The following HTR1F variants were observed in gnomAD, a reference collection of about 807,000 sequenced individuals.
HTR1F encodes the protein 5-hydroxytryptamine (serotonin) receptor 1F, G protein-coupled.
HTR1F carries 17 observed loss-of-function variants against 24.0 expected under a neutral mutation model. That is an observed-to-expected ratio of 0.71 (90% CI 0.48 to 1.06). The LOEUF is 1.06. Among genes scored for constraint, HTR1F ranks in the 50% least tolerant of loss-of-function variants. The pLI, the probability that HTR1F is intolerant of heterozygous loss-of-function variation, is 0.00. For missense variants in HTR1F, 391 were observed against 427.8 expected, an observed-to-expected ratio of 0.91 and a Z score of 0.76; for synonymous variants, 186 against 156.8, an observed-to-expected ratio of 1.19 and a Z score of -1.39.
intron 2 of HTR1F, among the ~76,000 whole-genome samples, chr3:87,888,315 G>T (rs1248704236): frequency 6.6e-6 from 1 of 152,086 alleles, no homozygotes; most frequent in Non-Finnish European, 1.5e-5. Context: ...ACCGGGGCCT[G>T]TTGTAGGGTG....
At chr3:87,807,392 G>A (rs530690807) in intron 1 of HTR1F, among the ~76,000 whole-genome samples, 6 of 151,900 alleles carry the variant, frequency 3.9e-5, no homozygotes, top group African/African-American at 1.4e-4. Context: ...TATTGTAAAT[G>A]GGATTGCCTT....
chr3:87,903,485 A>C lies in HTR1F; in HGVS notation c.-43+81361A>C, dbSNP rs571616174. ...CAAAGGACATGAACAGACACTTCTC[A>C]AAAGAAGACATTTATGCAGCCAAAA... On this transcript the variant is annotated intron_variant, in intron 2 of 2. Coordinates refer to ENST00000319595, the MANE Select transcript of HTR1F (RefSeq NM_001322209.2). Among the ~76,000 whole-genome samples, 161 of 152,138 alleles carry C rather than the reference A, an allele frequency of 1.1e-3. 1 individual carries two copies. In the Middle Eastern group the frequency reaches 0.017, roughly 16 times the overall value.
intron 2 of HTR1F, among the ~76,000 whole-genome samples, chr3:87,918,197 A>T (rs1374636769): frequency 3.3e-5 from 5 of 152,052 alleles, no homozygotes; most frequent in Non-Finnish European, 7.4e-5. Context: ...CTCTCAGCAA[A>T]ATTGACATAC....
chr3:87,830,397 G>A (rs1273339303), intron 2 of HTR1F, among the ~76,000 whole-genome samples: 1 of 152,174 alleles, frequency 6.6e-6, no homozygotes, highest in Non-Finnish European at 1.5e-5. Flanking sequence ...ATGAAGTAGT[G>A]GTAAGTCCAT....
chr3:87,959,512 A>T (rs1357077500), intron 2 of HTR1F, among the ~76,000 whole-genome samples: 1 of 151,940 alleles, frequency 6.6e-6, no homozygotes, highest in African/African-American at 2.4e-5. Flanking sequence ...GCCAATTAGA[A>T]AAAAGTAACA....
At chr3:87,899,285 G>T (rs1257713319) in intron 2 of HTR1F, among the ~76,000 whole-genome samples, 4 of 152,076 alleles carry the variant, frequency 2.6e-5, no homozygotes, top group African/African-American at 2.4e-5. Context: ...ATACACTGTG[G>T]TATATTTTAG....
intron 2 of HTR1F, among the ~76,000 whole-genome samples, chr3:87,841,344 C>T (rs980170909): frequency 3.3e-5 from 5 of 151,890 alleles, no homozygotes; most frequent in African/African-American, 1.2e-4. Context: ...CTAGGATTTT[C>T]TTAGTCCCTG....
chr3:87,795,198 A>T (rs1368675323), intron 1 of HTR1F, among the ~76,000 whole-genome samples: 3 of 151,924 alleles, frequency 2.0e-5, no homozygotes, highest in Non-Finnish European at 2.9e-5. Flanking sequence ...GTTGGCCAGG[A>T]TGGTCTCGAT....
At chr3:87,894,385 T>C (rs1706153549) in intron 2 of HTR1F, among the ~76,000 whole-genome samples, 1 of 150,936 alleles carries the variant, frequency 6.6e-6, no homozygotes, top group South Asian at 2.1e-4. Context: ...GCCTCCCGAG[T>C]AGCTGGGATT....
At chr3:87,881,476 T>C (rs1412277554) in intron 2 of HTR1F, among the ~76,000 whole-genome samples, 1 of 152,104 alleles carries the variant, frequency 6.6e-6, no homozygotes, top group African/African-American at 2.4e-5. Context: ...GCCTACTGCC[T>C]CTGTTGACTC....
At chr3:87,800,538 G>A (rs550398433) in intron 1 of HTR1F, among the ~76,000 whole-genome samples, 2 of 152,308 alleles carry the variant, frequency 1.3e-5, no homozygotes, top group East Asian at 3.9e-4. Context: ...TCACCATGCT[G>A]TTTGTATTTT....
At chr3:87,839,947 C>T (rs757005710) in intron 2 of HTR1F, among the ~76,000 whole-genome samples, 1 of 152,110 alleles carries the variant, frequency 6.6e-6, no homozygotes, top group Non-Finnish European at 1.5e-5. Context: ...TCATTCTTTT[C>T]CATGGCTGCA....
chr3:87,892,373 G>T (rs2107308300), intron 2 of HTR1F, among the ~76,000 whole-genome samples: 2 of 151,218 alleles, frequency 1.3e-5, no homozygotes, highest in African/African-American at 2.4e-5. Context: ...TATTTCCATT[G>T]ATTATTAAAA....
At chr3:87,820,046 A>G (rs1704325169) in intron 1 of HTR1F, among the ~76,000 whole-genome samples, 1 of 152,168 alleles carries the variant, frequency 6.6e-6, no homozygotes, top group Non-Finnish European at 1.5e-5. Flanking sequence ...GGAGAAATAG[A>G]AACACTTTAA....
chr3:87,869,398 T>TAGAC (rs1333787164), intron 2 of HTR1F, among the ~76,000 whole-genome samples: 4 of 94,600 alleles, frequency 4.2e-5, no homozygotes, highest in African/African-American at 1.1e-4. Context: ...AACAGATAGA[T>TAGAC]AGATAGATAG....
At chr3:87,962,803 A>G (rs1705089313) in intron 2 of HTR1F, among the ~76,000 whole-genome samples, 1 of 152,060 alleles carries the variant, frequency 6.6e-6, no homozygotes, top group African/African-American at 2.4e-5. Context: ...GCTTGGAAAG[A>G]ACATTTTAAA....
At chr3:87,815,202 G>A (rs1016129187) in intron 1 of HTR1F, among the ~76,000 whole-genome samples, 18 of 151,998 alleles carry the variant, frequency 1.2e-4, no homozygotes, top group African/African-American at 4.3e-4. Context: ...ATAAACAGGG[G>A]TAATTTAAAA....
chr3:87,809,168 A>G (rs901374968), intron 1 of HTR1F, among the ~76,000 whole-genome samples: 15 of 151,920 alleles, frequency 9.9e-5, no homozygotes, highest in South Asian at 2.1e-4. Context: ...ATATCATCAC[A>G]TAAAAGATGG....
chr3:87,810,646 T>C (rs1191949569), intron 1 of HTR1F, among the ~76,000 whole-genome samples: 1 of 152,196 alleles, frequency 6.6e-6, no homozygotes, highest in African/African-American at 2.4e-5. Context: ...ACTATTTCAA[T>C]GGAAATTCCT....
Sources: allele counts gnomAD v4.1 joint callset (sites outside exome capture counted in the v4.1 genomes callset), GRCh38; gene constraint gnomAD v4.1.1; transcripts MANE v1.5; gene names NCBI Gene and HGNC (gene_info 2026-07-23, HGNC 2026-07-21).